AAK1: variants seen among roughly 807,000 people sequenced by gnomAD.
AAK1 encodes AP2-associated protein kinase 1.
A neutral mutation model predicts 116.0 loss-of-function variants in AAK1; 37 were observed. The observed-to-expected ratio is 0.32, with a 90% CI of 0.25 to 0.42. AAK1 has a LOEUF of 0.42. AAK1 is among the 10% of genes least tolerant of loss of function. AAK1 has a pLI of 1.00. For synonymous variants in AAK1, 458 were observed against 439.9 expected (o/e 1.04, Z -0.51); for missense variants, 919 against 1,170.6 (o/e 0.79, Z 3.14).
chr2:69,616,110 C>T (rs536935629), intron 2 of AAK1, among the ~76,000 whole-genome samples: 3 of 152,018 alleles, frequency 2.0e-5, no homozygotes, highest in Admixed American at 1.3e-4. Flanking sequence ...CCTTTTCGGG[C>T]GATGAAAATG....
chr2:69,471,647 G>T lies in AAK1; in HGVS notation c.*4222C>A. 1 of 985,402 alleles carries T rather than the reference G, an allele frequency of 1.0e-6. No homozygotes were observed. Among genetic ancestry groups the T allele is most frequent in the Non-Finnish European group, 1.2e-6 (1 of 829,898 alleles). The allele number at this position is 985,402 out of a possible 1,614,324, so 61.0% of individuals were successfully genotyped here. The stretch of plus-strand genomic sequence containing the variant: ...CCTGATAATCTTGCAGACAGAGAAG[G>T]TTAAGGACTCTGGGAAATCACAGAA... On this transcript the variant is annotated 3_prime_UTR_variant, in exon 22 of 22. Transcript: ENST00000409085.
intron 2 of AAK1, among the ~76,000 whole-genome samples, chr2:69,640,766 A>G (rs1332483787): frequency 6.6e-6 from 1 of 152,214 alleles, no homozygotes; most frequent in Non-Finnish European, 1.5e-5. Flanking sequence ...CCATGGTGCC[A>G]CCACACTAAC....
Position 69,505,595 on chromosome 2 carries a change from G to A in AAK1, c.2243C>T (p.Ala748Val). The A allele has an allele frequency of 1.9e-6, 3 of 1,613,752 alleles. No individual in the cohort carries two copies. The highest frequency in any genetic ancestry group is 2.5e-6 in the Non-Finnish European group (3 of 1,179,752). The change falls in exon 16 of 22, where the codon GCT (alanine) becomes GTT (valine). Residue 748 changes from alanine (A) to valine (V), a missense_variant. Ala to Val is a moderately conservative substitution (Grantham distance 64, BLOSUM62 0). Around this residue, in one of 4 missense-constraint regions of AAK1, gnomAD observed 263 missense variants for 285.5 expected, o/e 0.92. Transcript: ENST00000409085. ...AGTTCCAGCAGAAAATGAGGTCGTAGCAAAAGCATCACCTTGGGTTGATTG... is the reference window on the plus strand; with the variant it reads ...AGTTCCAGCAGAAAATGAGGTCGTAACAAAAGCATCACCTTGGGTTGATTG... ...GFQSTQGDAF[A>V]TTSFSAGTAE...
At chr2:69,604,096 G>C (rs1673695491) in intron 2 of AAK1, among the ~76,000 whole-genome samples, 1 of 152,180 alleles carries the variant, frequency 6.6e-6, no homozygotes, top group South Asian at 2.1e-4. Flanking sequence ...AGAGCTCAAG[G>C]CTGCAGTAAC....
At chr2:69,535,280 T>A (rs1265601057) in intron 5 of AAK1, among the ~76,000 whole-genome samples, 2 of 152,240 alleles carry the variant, frequency 1.3e-5, no homozygotes, top group Non-Finnish European at 2.9e-5. Flanking sequence ...CTCATCCTGA[T>A]GTGATATTAC....
intron 5 of AAK1, among the ~76,000 whole-genome samples, chr2:69,538,578 G>A (rs1488953107): frequency 1.3e-4 from 20 of 152,200 alleles, no homozygotes; most frequent in Admixed American, 1.3e-3. Flanking sequence ...TCCAGTAAGT[G>A]TTTAAAAATC....
intron 2 of AAK1, among the ~76,000 whole-genome samples, chr2:69,593,528 C>A (rs1017950298): frequency 4.2e-4 from 63 of 151,414 alleles, no homozygotes; most frequent in Admixed American, 4.0e-3. Flanking sequence ...GCAAATATAT[C>A]TTATTATATA....
intron 16 of AAK1, among the ~76,000 whole-genome samples, chr2:69,502,881 G>A (rs1343113291): frequency 1.3e-5 from 2 of 152,094 alleles, no homozygotes; most frequent in Non-Finnish European, 2.9e-5. Flanking sequence ...TTAGCTTCAA[G>A]AATATTTATA....
In AAK1 at chr2:69,600,237, T is replaced by C. The variant is rs373875590; in HGVS notation, c.163+42641A>G. On this transcript the variant is annotated intron_variant, in intron 2 of 21. Coordinates refer to ENST00000409085, the MANE Select transcript of AAK1 (RefSeq NM_014911.5). ...CTAGAATATTATGAATATTCCAGGA[T>C]TGAGTTGAAAAGAGAAGACTGAAGA... Among the ~76,000 whole-genome samples, 183 of 151,224 alleles carry C rather than the reference T, an allele frequency of 1.2e-3. 2 individuals carry two copies. The highest frequency in any genetic ancestry group is 3.5e-3 in the Middle Eastern group (1 of 286).
chr2:69,573,759 G>A (rs1401950953), intron 2 of AAK1, among the ~76,000 whole-genome samples: 1 of 152,172 alleles, frequency 6.6e-6, no homozygotes, highest in Non-Finnish European at 1.5e-5. Flanking sequence ...CAGCACTTTG[G>A]GAGGCCGAGG....
intron 13 of AAK1, among the ~76,000 whole-genome samples, chr2:69,510,166 A>G (rs891285819): frequency 1.3e-5 from 2 of 152,152 alleles, no homozygotes; most frequent in Admixed American, 1.3e-4. Flanking sequence ...CCTAGTACAC[A>G]AGAGTTATTT....
intron 16 of AAK1, among the ~76,000 whole-genome samples, chr2:69,505,351 A>C (rs575420750): frequency 6.6e-6 from 1 of 152,296 alleles, no homozygotes; most frequent in South Asian, 2.1e-4. Flanking sequence ...ACTTTAATTC[A>C]AAGTGGTTCT....
chr2:69,547,416 A>G (rs1425838668), intron 3 of AAK1, among the ~76,000 whole-genome samples: 1 of 152,224 alleles, frequency 6.6e-6, no homozygotes, highest in Non-Finnish European at 1.5e-5. Context: ...ACTCAACAAC[A>G]ACAAAAAAGA....
chr2:69,632,646 C>T (rs192706757), intron 2 of AAK1, among the ~76,000 whole-genome samples: 6 of 152,232 alleles, frequency 3.9e-5, no homozygotes, highest in African/African-American at 1.4e-4. Context: ...CGCCTGTAAT[C>T]CCAACACTTT....
At chr2:69,596,285 A>G (rs1450719381) in intron 2 of AAK1, among the ~76,000 whole-genome samples, 2 of 146,792 alleles carry the variant, frequency 1.4e-5, no homozygotes, top group African/African-American at 2.6e-5. Flanking sequence ...CAGTGGCGCC[A>G]TTTTGGCTCA....
At chr2:69,580,269 C>T (rs567692167) in intron 2 of AAK1, among the ~76,000 whole-genome samples, 39 of 152,262 alleles carry the variant, frequency 2.6e-4, no homozygotes, top group African/African-American at 8.9e-4. Flanking sequence ...TCTGGACATC[C>T]CCTCTCCTCC....
intron 4 of AAK1, 48 bp downstream of exon 4, chr2:69,544,388 C>T (rs1191462750): frequency 2.1e-6 from 3 of 1,457,696 alleles, no homozygotes; most frequent in Non-Finnish European, 2.9e-6. Flanking sequence ...CCATGACAAT[C>T]AAAATGCTAG....
chr2:69,575,020 C>CAA (rs1553417497), intron 2 of AAK1, among the ~76,000 whole-genome samples: 882 of 76,780 alleles, frequency 0.011, 11 homozygotes, highest in African/African-American at 0.045. Flanking sequence ...AAAAAGACTA[C>CAA]AAAAAAAAAA....
intron 5 of AAK1, among the ~76,000 whole-genome samples, chr2:69,537,864 G>A (rs773340403): frequency 6.6e-6 from 1 of 152,160 alleles, no homozygotes. Context: ...AAACAACAGC[G>A]ACCAGGACTT....
Sources: gnomAD v4.1 joint callset for allele counts (sites outside exome capture counted in the v4.1 genomes callset) on GRCh38, gnomAD v4.1.1 for gene constraint, gnomAD v4.1.1 regional missense constraint, MANE v1.5 for transcripts, NCBI Gene and HGNC (gene_info 2026-07-23, HGNC 2026-07-21) for gene names.